Variants in TENM3 observed in about 807,000 individuals in gnomAD.
The protein encoded by TENM3 is teneurin transmembrane protein 3.
Under a neutral mutation model 255.1 loss-of-function variants are expected in TENM3, and 63 were observed. The observed-to-expected ratio is 0.25, with a 90% CI of 0.20 to 0.30. The LOEUF (loss-of-function observed/expected upper bound fraction) is 0.30, where lower values mean the gene tolerates loss of function less well. Ranked by LOEUF, TENM3 falls within the 10% of genes least tolerant of loss-of-function variation. The probability of loss-of-function intolerance (pLI) is 1.00; values close to 1 mark genes in which losing one functional copy is unlikely to be tolerated. For missense variants in TENM3, 2,929 were observed against 3,461.1 expected (o/e 0.85, Z 3.86); for synonymous variants, 1,306 against 1,322.3 (o/e 0.99, Z 0.27).
At chr4:181,831,391 G>A in the TENM3 span, among the ~76,000 whole-genome samples, 831 of 151,480 alleles carry the variant, frequency 5.5e-3, 3 homozygotes, top group Non-Finnish European at 9.0e-3. Context: ...TTTTATTTCG[G>A]CTACAGAAGT....
chr4:182,302,824 C>T (rs539682236), intron 1 of TENM3, among the ~76,000 whole-genome samples: 1 of 152,264 alleles, frequency 6.6e-6, no homozygotes, highest in Non-Finnish European at 1.5e-5. Flanking sequence ...AGGCTTCTGT[C>T]ATTAAGAACT....
At chr4:182,657,648 T>C (rs1753865539) in intron 6 of TENM3, among the ~76,000 whole-genome samples, 1 of 152,152 alleles carries the variant, frequency 6.6e-6, no homozygotes. Context: ...ATTTATTTTA[T>C]TTGTTTATTT....
At chr4:182,025,933 G>A in the TENM3 span, among the ~76,000 whole-genome samples, 4 of 151,974 alleles carry the variant, frequency 2.6e-5, no homozygotes, top group Non-Finnish European at 2.9e-5. Context: ...CCATCAACTC[G>A]TCATTTACAT....
At chr4:182,556,638 G>A (rs1324382268) in intron 3 of TENM3, among the ~76,000 whole-genome samples, 1 of 152,092 alleles carries the variant, frequency 6.6e-6, no homozygotes, top group African/African-American at 2.4e-5. Flanking sequence ...CAATTTACAA[G>A]TGTCTTCCCC....
At chr4:181,569,809 G>C in the TENM3 span, among the ~76,000 whole-genome samples, 2 of 152,108 alleles carry the variant, frequency 1.3e-5, no homozygotes, top group African/African-American at 2.4e-5. Context: ...AACTGTTTTC[G>C]TATCTTTCTC....
chr4:181,453,237 A>G, the TENM3 span, among the ~76,000 whole-genome samples: 1 of 152,210 alleles, frequency 6.6e-6, no homozygotes, highest in African/African-American at 2.4e-5. Flanking sequence ...AAGGAAAGAC[A>G]GGAAGTGTCT....
chr4:181,711,704 A>G, the TENM3 span, among the ~76,000 whole-genome samples: 1,558 of 152,264 alleles, frequency 0.01, 27 homozygotes, highest in African/African-American at 0.035. Context: ...GTTTCCTTAG[A>G]AGGCAATATT....
At chr4:181,889,086 T>C in the TENM3 span, among the ~76,000 whole-genome samples, 1 of 152,128 alleles carries the variant, frequency 6.6e-6, no homozygotes, top group African/African-American at 2.4e-5. Context: ...ACCATCACAC[T>C]ACACTTACAT....
chr4:181,956,220 C>T, the TENM3 span, among the ~76,000 whole-genome samples: 31 of 152,254 alleles, frequency 2.0e-4, no homozygotes, highest in East Asian at 2.7e-3. Flanking sequence ...AATCACCTCC[C>T]ATAGGCCCCA....
At chr4:182,361,964 G>C (rs1446293350) in intron 3 of TENM3, among the ~76,000 whole-genome samples, 3 of 152,308 alleles carry the variant, frequency 2.0e-5, no homozygotes, top group African/African-American at 7.2e-5. Context: ...AGGTCTGTTG[G>C]AGTTTGCTAG....
At chr4:182,327,013 A>G (rs553212461) in intron 2 of TENM3, among the ~76,000 whole-genome samples, 1 of 152,254 alleles carries the variant, frequency 6.6e-6, no homozygotes, top group South Asian at 2.1e-4. Context: ...TGATATGCGG[A>G]GTATTTGTAG....
chr4:181,669,952 G>A, the TENM3 span, among the ~76,000 whole-genome samples: 1 of 152,114 alleles, frequency 6.6e-6, no homozygotes, highest in Non-Finnish European at 1.5e-5. Context: ...TTCTTAGCAG[G>A]CTATTAATAA....
upstream of TENM3, among the ~76,000 whole-genome samples, chr4:182,242,534 G>A (rs1205768701): frequency 6.6e-6 from 1 of 152,134 alleles, no homozygotes; most frequent in Non-Finnish European, 1.5e-5. Flanking sequence ...GCTGAGGTGG[G>A]TGAATTGCTT....
Position 182,714,201 on chromosome 4 carries a change from C to T in TENM3, c.2336C>T (p.Thr779Ile), listed in dbSNP as rs1196654464. 2 of 1,612,844 alleles carry T rather than the reference C, an allele frequency of 1.2e-6. No individual in the cohort carries two copies. Among genetic ancestry groups the T allele is most frequent in the Non-Finnish European group, 8.5e-7 (1 of 1,179,694 alleles). The part of the protein sequence containing the change: ...RGAGCDVAME[T>I]LCTDSKDNEG... ...GCAGGCTGTGACGTAGCCATGGAGA[C>T]TCTTTGCACAGATAGCAAGGACAAT... The change falls in exon 13 of 28, where the codon ACT becomes ATT. Residue 779 changes from threonine (T) to isoleucine (I), a missense_variant. Thr to Ile is a moderately conservative substitution (Grantham distance 89, BLOSUM62 -1). Coordinates refer to ENST00000511685, the MANE Select transcript of TENM3 (RefSeq NM_001080477.4).
At position 182,729,156 on chromosome 4, in the gene TENM3, C is replaced by G; in HGVS notation, c.2560C>G (p.Pro854Ala). Residue 854 changes from proline (P) to alanine (A), a missense_variant, in exon 14 of 28, where the codon CCT (proline) becomes GCT (alanine). By Grantham distance (27) the Pro-to-Ala change is conservative (BLOSUM62 -1). Around this residue, in one of 6 missense-constraint regions of TENM3, gnomAD observed 1,608 missense variants for 1,884.4 expected, o/e 0.85. Coordinates refer to ENST00000511685, the MANE Select transcript of TENM3 (RefSeq NM_001080477.4). Reference sequence around the variant, plus strand: ...AGGATCTGATAGCACCCATGTTATACCTGGAGAAAGTCCTTTCAATAAGAG... The same window carrying G: ...AGGATCTGATAGCACCCATGTTATAGCTGGAGAAAGTCCTTTCAATAAGAG... ...LIGSDSTHVI[P>A]GESPFNKSLA... The G allele has an allele frequency of 6.2e-7, 1 of 1,613,914 alleles. No homozygotes were observed.
chr4:182,441,491 T>C (rs1462008658), intron 3 of TENM3, among the ~76,000 whole-genome samples: 1 of 152,130 alleles, frequency 6.6e-6, no homozygotes, highest in Admixed American at 6.5e-5. Context: ...CAAACCAGCA[T>C]TTATTTTATT....
At chr4:181,647,874 T>G in the TENM3 span, among the ~76,000 whole-genome samples, 6 of 152,308 alleles carry the variant, frequency 3.9e-5, no homozygotes, top group Admixed American at 1.3e-4. Flanking sequence ...ACACAGTGTC[T>G]GTAATTCCAT....
At chr4:181,952,267 T>C in the TENM3 span, among the ~76,000 whole-genome samples, 5 of 152,242 alleles carry the variant, frequency 3.3e-5, no homozygotes, top group Non-Finnish European at 7.3e-5. Flanking sequence ...GTGCTTTCTT[T>C]GTTTGTATAA....
chr4:182,427,369 G>T (rs545472426), intron 3 of TENM3, among the ~76,000 whole-genome samples: 1 of 152,300 alleles, frequency 6.6e-6, no homozygotes, highest in South Asian at 2.1e-4. Context: ...TTTAGGGAGG[G>T]ATAGTCATAT....
Sources: allele counts gnomAD v4.1 joint callset (sites outside exome capture counted in the v4.1 genomes callset), GRCh38; gene constraint gnomAD v4.1.1; regional missense constraint gnomAD v4.1.1; transcripts MANE v1.5; gene names NCBI Gene and HGNC (gene_info 2026-07-23, HGNC 2026-07-21).